The following C4orf17 variants were observed in gnomAD, a reference collection of about 807,000 sequenced individuals.
C4orf17 encodes the protein uncharacterized protein C4orf17.
A neutral mutation model predicts 32.0 loss-of-function variants in C4orf17; 25 were observed. The ratio of observed to expected loss-of-function variants is 0.78; its 90% confidence interval spans 0.57 to 1.09. The LOEUF (loss-of-function observed/expected upper bound fraction) is 1.09, where lower values mean the gene tolerates loss of function less well. Among genes scored for constraint, C4orf17 ranks in the 50% least tolerant of loss-of-function variants. The pLI is 0.00. For synonymous variants in C4orf17, 149 were observed against 145.8 expected (o/e 1.02, Z -0.16); for missense variants, 420 against 420.0 (o/e 1.00, Z 0.00).
chr4:99,515,119 G>A (rs1254108981), intron 2 of C4orf17, among the ~76,000 whole-genome samples: 1 of 152,194 alleles, frequency 6.6e-6, no homozygotes, highest in Non-Finnish European at 1.5e-5. Context: ...AAAAGCGGGT[G>A]AGGATAAAGG....
chr4:99,537,936 A>G (rs1723588200), intron 6 of C4orf17, among the ~76,000 whole-genome samples, 186 bp downstream of exon 6: 1 of 152,130 alleles, frequency 6.6e-6, no homozygotes, highest in East Asian at 1.9e-4. Context: ...TGGGTCATTC[A>G]ATGAACCCAA....
rs1338496947 is a variant in C4orf17, at chr4:99,518,573, AGAGAGAGAGAGGGAGG to A, written c.128-3922_128-3907del. On this transcript the variant is annotated intron_variant, in intron 2 of 8. Coordinates refer to ENST00000326581, the MANE Select transcript of C4orf17 (RefSeq NM_032149.3). ...GAGAGAGAGAGAGAGAGAGAGAGAG[AGAGAGAGAGAGGGAGG>A]GAGACAGAGAGAGAGAGAGACTGTT... 1.2e-3 allele frequency among the ~76,000 whole-genome samples: 153 copies of A among 127,804 alleles called. 5 individuals are homozygous for A. The highest frequency in any genetic ancestry group is 4.2e-3 in the African/African-American group (124 of 29,484). 83.8% of individuals were successfully genotyped at this position (127,804 alleles called of 152,430 possible).
At chr4:99,541,172 C>G (rs1016293643) in intron 8 of C4orf17, 2 of 152,222 alleles carry the variant, frequency 1.3e-5, no homozygotes, top group Non-Finnish European at 2.9e-5. Context: ...TCAATTAGAG[C>G]TCACTGGGGT....
intron 3 of C4orf17, 74 bp from the exon 4 acceptor site, chr4:99,524,447 T>C: frequency 7.2e-6 from 6 of 835,434 alleles, no homozygotes; most frequent in Middle Eastern, 3.4e-4. Flanking sequence ...ATTTCAGCAA[T>C]TGACACATAT....
In C4orf17 at chr4:99,531,765, G is replaced by A. The variant is rs184626631; in HGVS notation, c.546+1807G>A. On this transcript the variant is annotated intron_variant, in intron 5 of 8. Transcript: ENST00000326581. Reference sequence around the variant, plus strand: ...AACGGAGAGGGAATAAAGTGATAAAGTAGGTTTTATCAAGATGTTTTGGCT... The same window carrying A: ...AACGGAGAGGGAATAAAGTGATAAAATAGGTTTTATCAAGATGTTTTGGCT... 3.3e-3 allele frequency among the ~76,000 whole-genome samples: 499 copies of A among 152,254 alleles called. 1 individual carries two copies. Among genetic ancestry groups the A allele is most frequent in the Non-Finnish European group, 4.6e-3 (316 of 67,980 alleles).
chr4:99,532,119 C>T (rs946893385), intron 5 of C4orf17, among the ~76,000 whole-genome samples: 43 of 152,176 alleles, frequency 2.8e-4, no homozygotes, highest in African/African-American at 9.6e-4. Context: ...TAGTTCAGCC[C>T]TTGTGGAAAG....
chr4:99,534,519 T>C (rs771137544), intron 5 of C4orf17, among the ~76,000 whole-genome samples: 3 of 152,154 alleles, frequency 2.0e-5, no homozygotes, highest in Non-Finnish European at 2.9e-5. Flanking sequence ...CTAGGTCAAA[T>C]GGTATTTCTG....
chr4:99,541,782 A>C, intron 8 of C4orf17, 128 bp from the exon 9 acceptor site: 1 of 679,638 alleles, frequency 1.5e-6, no homozygotes, highest in Non-Finnish European at 2.5e-6. Flanking sequence ...TTCTTTTGTG[A>C]ATTTTGGGTG....
intron 1 of C4orf17, 92 bp downstream of exon 1, chr4:99,511,364 A>G (rs1258292827): frequency 6.6e-6 from 1 of 152,040 alleles, no homozygotes; most frequent in South Asian, 2.1e-4. Context: ...TTTCAAGAGT[A>G]TGTGAAAGCC....
In C4orf17 at chr4:99,541,798, G is replaced by A. The variant is rs1394411487; in HGVS notation, c.881-112G>A. The A allele has an allele frequency of 1.0e-5, 8 of 768,536 alleles. No individual in the cohort carries two copies. The Admixed American group carries it at 2.1e-4, about 20-fold the overall frequency. 47.6% of individuals were successfully genotyped at this position (768,536 alleles called of 1,614,324 possible). ...TCTTTTGTGAATTTTGGGTGTATCT[G>A]ATTCACCTAAACTTCATATAGTTTT... On this transcript the variant is annotated intron_variant, in intron 8 of 8. Coordinates refer to ENST00000326581, the MANE Select transcript of C4orf17 (RefSeq NM_032149.3).
chr4:99,540,460 A>T lies in C4orf17; in HGVS notation c.880+5A>T. 6.2e-7 allele frequency: 1 copy of T among 1,605,042 alleles called. No individual in the cohort carries two copies. Among genetic ancestry groups the T allele is most frequent in the East Asian group, 2.2e-5 (1 of 44,654 alleles). On this transcript the variant is annotated splice_donor_5th_base_variant and intron_variant, in intron 8 of 8. Coordinates refer to ENST00000326581, the MANE Select transcript of C4orf17 (RefSeq NM_032149.3). ...AAAACAAGGAAGTACCAAAAGGTTA[A>T]GTACAGTTTTTGGTAACTATTGAGT... is the stretch of plus-strand genomic sequence containing the variant.
rs1474252068 is a variant in C4orf17, at chr4:99,511,173, A to T, written c.-193A>T. ...AGCTTAAGTGCAGAGATTTAAGGAG[A>T]TCAACAAAAACTCAGTCTAGACATA... On this transcript the variant is annotated 5_prime_UTR_variant, in exon 1 of 9. Transcript: ENST00000326581. The T allele has an allele frequency of 6.6e-6, 1 of 152,172 alleles. No individual in the cohort carries two copies. The highest frequency in any genetic ancestry group is 1.5e-5 in the Non-Finnish European group (1 of 68,012). The allele number at this position is 152,172 out of a possible 1,614,324, so 9.4% of individuals were successfully genotyped here. A position where few individuals can be genotyped will look rare whatever the true frequency, so the allele number is the denominator to read the frequency against.
chr4:99,525,023 C>A (rs1275658897), intron 4 of C4orf17, among the ~76,000 whole-genome samples: 1 of 152,080 alleles, frequency 6.6e-6, no homozygotes, highest in Non-Finnish European at 1.5e-5. Context: ...TAGTTCATTC[C>A]TTTTTATTGC....
intron 4 of C4orf17, among the ~76,000 whole-genome samples, chr4:99,526,790 T>C (rs1723395175): frequency 6.6e-6 from 1 of 152,056 alleles, no homozygotes; most frequent in African/African-American, 2.4e-5. Flanking sequence ...TTTAAAATAT[T>C]CCTTTTATTA....
rs575911752 is a variant in C4orf17 at position 99,530,648 on chromosome 4, T to A, written c.546+690T>A. Among the ~76,000 whole-genome samples, 29 of 152,212 alleles carry A rather than the reference T, an allele frequency of 1.9e-4. No homozygotes were observed. The South Asian group carries it at 5.6e-3, about 29-fold the overall frequency. On this transcript the variant is annotated intron_variant, in intron 5 of 8. Coordinates refer to ENST00000326581, the MANE Select transcript of C4orf17 (RefSeq NM_032149.3). ...TCTAACTGGAATTTTAAGTAATCAGTGTCTATAGTTATAAATACAAATAAC... is the reference window on the plus strand; with the variant it reads ...TCTAACTGGAATTTTAAGTAATCAGAGTCTATAGTTATAAATACAAATAAC...
chr4:99,513,256 G>A, intron 2 of C4orf17, 48 bp downstream of exon 2: 1 of 1,605,158 alleles, frequency 6.2e-7, no homozygotes, highest in African/African-American at 1.3e-5. Flanking sequence ...TCTACACTTG[G>A]GCTATTTGAT....
intron 5 of C4orf17, among the ~76,000 whole-genome samples, chr4:99,532,960 C>T (rs967662781): frequency 6.6e-6 from 1 of 152,108 alleles, no homozygotes; most frequent in Non-Finnish European, 1.5e-5. Context: ...AAGTGACCTT[C>T]GTATCTTAAG....
chr4:99,539,714 A>T (rs900766114), intron 7 of C4orf17, among the ~76,000 whole-genome samples: 1 of 152,212 alleles, frequency 6.6e-6, no homozygotes, highest in Non-Finnish European at 1.5e-5. Context: ...GATGCAATTA[A>T]GGAAAACAAA....
intron 2 of C4orf17, among the ~76,000 whole-genome samples, chr4:99,514,906 G>T (rs1280182684): frequency 7.9e-5 from 12 of 152,174 alleles, no homozygotes; most frequent in Non-Finnish European, 1.8e-4. Flanking sequence ...TATACACCAT[G>T]GAACACTACT....
Sources: gnomAD v4.1 joint callset for allele counts (sites outside exome capture counted in the v4.1 genomes callset) on GRCh38, gnomAD v4.1.1 for gene constraint, MANE v1.5 for transcripts, NCBI Gene and HGNC (gene_info 2026-07-23, HGNC 2026-07-21) for gene names.